Variants in ADAMTSL1 observed in about 807,000 individuals in gnomAD.
ADAMTSL1 encodes ADAMTS like 1.
Under a neutral mutation model 201.8 loss-of-function variants are expected in ADAMTSL1, and 126 were observed. The ratio of observed to expected loss-of-function variants is 0.62; its 90% CI spans 0.54 to 0.72. The LOEUF is 0.72. Among genes scored for constraint, ADAMTSL1 ranks in the 30% least tolerant of loss-of-function variants. The pLI, the probability that ADAMTSL1 is intolerant of heterozygous loss-of-function variation, is 0.00. For missense variants in ADAMTSL1, 2,679 were observed against 2,277.8 expected, an observed-to-expected ratio of 1.18 and a Z score of -3.59; for synonymous variants, 1,121 against 903.4, an observed-to-expected ratio of 1.24 and a Z score of -4.32.
At chr9:18,256,018 A>G (rs1831669463) in intron 2 of ADAMTSL1, among the ~76,000 whole-genome samples, 1 of 152,238 alleles carries the variant, frequency 6.6e-6, no homozygotes, top group African/African-American at 2.4e-5. Context: ...TATCTTTGGC[A>G]ATCTTCCTTG....
intron 15 of ADAMTSL1, among the ~76,000 whole-genome samples, chr9:18,746,004 A>G (rs1034874840): frequency 2.0e-5 from 3 of 152,178 alleles, no homozygotes; most frequent in African/African-American, 7.2e-5. Flanking sequence ...GAAGAAGAAG[A>G]AGGAAAGGCC....
intron 2 of ADAMTSL1, among the ~76,000 whole-genome samples, chr9:18,426,719 G>T (rs1819238426): frequency 6.6e-6 from 1 of 152,150 alleles, no homozygotes; most frequent in South Asian, 2.1e-4. Context: ...GCTGTCTCCT[G>T]TAAGGAAACT....
At chr9:18,185,887 C>A (rs903680412) in intron 2 of ADAMTSL1, among the ~76,000 whole-genome samples, 1 of 151,898 alleles carries the variant, frequency 6.6e-6, no homozygotes, top group Non-Finnish European at 1.5e-5. Context: ...ATTGATGTGG[C>A]GTTGGATGTG....
At chr9:18,132,750 C>T (rs1826003534) in intron 1 of ADAMTSL1, among the ~76,000 whole-genome samples, 1 of 152,104 alleles carries the variant, frequency 6.6e-6, no homozygotes, top group African/African-American at 2.4e-5. Context: ...GTACTGTAAG[C>T]TTCTCAGTCA....
At chr9:18,477,645 C>A (rs111520082) in intron 1 of ADAMTSL1, among the ~76,000 whole-genome samples, 86 of 152,288 alleles carry the variant, frequency 5.6e-4, no homozygotes, top group African/African-American at 2.0e-3. Flanking sequence ...TTTTCTCAGA[C>A]CTAGATTGTC....
At chr9:18,465,419 G>A (rs916592126) in intron 2 of ADAMTSL1, among the ~76,000 whole-genome samples, 3 of 152,218 alleles carry the variant, frequency 2.0e-5, no homozygotes, top group South Asian at 2.1e-4. Flanking sequence ...AGCCAGGGCC[G>A]TTTTTCTGGT....
intron 16 of ADAMTSL1, among the ~76,000 whole-genome samples, chr9:18,768,455 CT>C (rs10659731): frequency 3.9e-4 from 46 of 116,990 alleles, no homozygotes; most frequent in East Asian, 7.5e-4. Context: ...TGAGCCTCAG[CT>C]TTTTTTTTTT....
At chr9:18,312,258 C>A (rs561459173) in intron 2 of ADAMTSL1, among the ~76,000 whole-genome samples, 16 of 152,142 alleles carry the variant, frequency 1.1e-4, no homozygotes, top group African/African-American at 3.9e-4. Context: ...AGATTGGTGG[C>A]AACTTCCTGT....
At chr9:18,378,670 C>A (rs1563922873) in intron 2 of ADAMTSL1, among the ~76,000 whole-genome samples, 1 of 152,164 alleles carries the variant, frequency 6.6e-6, no homozygotes, top group Non-Finnish European at 1.5e-5. Flanking sequence ...CTTCTTCCTT[C>A]TCTTTTCTGG....
rs1207536864 is a variant in ADAMTSL1, at chr9:18,843,461, T to C, written c.4249+13484T>C. Among the ~76,000 whole-genome samples, 110 of 150,728 alleles carry C rather than the reference T, an allele frequency of 7.3e-4. 2 individuals carry two copies. The highest frequency in any genetic ancestry group is 2.3e-3 in the African/African-American group (92 of 40,100). On this transcript the variant is annotated intron_variant, in intron 23 of 28. Coordinates refer to ENST00000380548, the MANE Select transcript of ADAMTSL1 (RefSeq NM_001040272.6). ...AACCCGACCTTTCTCTCTGGCTGCG[T>C]TTAACATTTTTTCCTTCATTTCAAC...
At chr9:18,872,919 T>G (rs1032690256) in intron 23 of ADAMTSL1, among the ~76,000 whole-genome samples, 3 of 152,100 alleles carry the variant, frequency 2.0e-5, no homozygotes, top group Admixed American at 6.6e-5. Context: ...ATCTCCATAC[T>G]GTTTTCCATA....
intron 2 of ADAMTSL1, among the ~76,000 whole-genome samples, chr9:18,468,603 G>A (rs1480651188): frequency 2.0e-5 from 3 of 152,124 alleles, no homozygotes; most frequent in African/African-American, 4.8e-5. Flanking sequence ...AACAGAACAA[G>A]CCAGCAAACA....
chr9:18,336,704 C>A lies in ADAMTSL1; in HGVS notation c.208-168125C>A, dbSNP rs138366990. On this transcript the variant is annotated intron_variant, in intron 2 of 29. Coordinates refer to the ADAMTSL1 transcript ENST00000680146. The stretch of plus-strand genomic sequence containing the variant: ...TGCCCTGCCTGTGTACTAAAAACAT[C>A]AGTTCTAGCATTACTAGTATTAGTG... 4.6e-5 allele frequency among the ~76,000 whole-genome samples: 7 copies of A among 152,200 alleles called. 1 individual carries two copies. The highest frequency in any genetic ancestry group is 9.6e-5 in the African/African-American group (4 of 41,534).
chr9:18,593,242 C>T (rs1166313929), intron 4 of ADAMTSL1, among the ~76,000 whole-genome samples: 1 of 152,114 alleles, frequency 6.6e-6, no homozygotes, highest in Admixed American at 6.5e-5. Context: ...GCTAGGACTT[C>T]CAGTAGTATG....
chr9:18,217,767 C>T (rs1397110105), intron 2 of ADAMTSL1, among the ~76,000 whole-genome samples: 1 of 152,114 alleles, frequency 6.6e-6, no homozygotes, highest in African/African-American at 2.4e-5. Context: ...GCTTCACTGG[C>T]AAATGGAGAT....
At chr9:18,300,136 A>G (rs577974282) in intron 2 of ADAMTSL1, among the ~76,000 whole-genome samples, 3 of 152,344 alleles carry the variant, frequency 2.0e-5, no homozygotes, top group African/African-American at 2.4e-5. Context: ...ATTATAAATC[A>G]TGCTGCTATA....
chr9:18,310,399 A>AAAAAAAAAAAAAAAAAAAC lies in ADAMTSL1; in HGVS notation c.207+146418_207+146419insAAAAAAAAAAAAAAAAAAC, dbSNP rs1440483712. Among the ~76,000 whole-genome samples the AAAAAAAAAAAAAAAAAAAC allele has an allele frequency of 3.8e-4, 48 of 127,400 alleles. 3 individuals carry two copies. The highest frequency in any genetic ancestry group is 6.9e-4 in the Non-Finnish European group (40 of 58,276). The allele number at this position is 127,400 out of a possible 152,430, so 83.6% of individuals were successfully genotyped here. A position where few individuals can be genotyped will look rare whatever the true frequency, so the allele number is the denominator to read the frequency against. ...AAAAAAAAAAAAAAAAAAAAAAAAA[A>AAAAAAAAAAAAAAAAAAAC]CTATCTTCAGAGTGAACAGGCAACC... On this transcript the variant is annotated intron_variant, in intron 2 of 29. Transcript: ENST00000680146.
intron 3 of ADAMTSL1, among the ~76,000 whole-genome samples, chr9:18,567,882 A>T (rs1399197024): frequency 1.3e-5 from 2 of 152,234 alleles, no homozygotes; most frequent in Non-Finnish European, 2.9e-5. Flanking sequence ...ATTTAATATT[A>T]TTGATAGAAT....
At chr9:18,737,428 C>A (rs1818579354) in intron 15 of ADAMTSL1, among the ~76,000 whole-genome samples, 1 of 151,662 alleles carries the variant, frequency 6.6e-6, no homozygotes, top group Admixed American at 6.6e-5. Context: ...ACCAGTGAGT[C>A]CATGATCTTC....
Sources: gnomAD v4.1 joint callset for allele counts (sites outside exome capture counted in the v4.1 genomes callset) on GRCh38, gnomAD v4.1.1 for gene constraint, MANE v1.5 for transcripts, NCBI Gene and HGNC (gene_info 2026-07-23, HGNC 2026-07-21) for gene names.